Variants in TET1 observed in about 807,000 individuals in gnomAD.
TET1 encodes the protein tet methylcytosine dioxygenase 1.
In TET1, 13 loss-of-function variants were observed where a neutral mutation model predicts 148.7. That is an observed-to-expected ratio of 0.09 (90% CI 0.06 to 0.14). TET1 has a LOEUF of 0.14. TET1 is among the 10% of genes least tolerant of loss of function. TET1 has a pLI of 1.00. For missense variants in TET1, 2,182 were observed against 2,553.8 expected (o/e 0.85, Z 3.14); for synonymous variants, 907 against 937.2 (o/e 0.97, Z 0.59).
At chr10:68,639,451 C>T (rs867745455) in intron 3 of TET1, among the ~76,000 whole-genome samples, 2 of 133,770 alleles carry the variant, frequency 1.5e-5, no homozygotes, top group Admixed American at 7.7e-5. Flanking sequence ...ATTATTACTA[C>T]TACTACTACT....
chr10:68,655,462 C>G (rs1202325523), intron 6 of TET1, among the ~76,000 whole-genome samples: 1 of 152,122 alleles, frequency 6.6e-6, no homozygotes, highest in Admixed American at 6.5e-5. Context: ...TTGTTCACTC[C>G]TTTGTCTATT....
Position 68,573,365 on chromosome 10 carries a change from C to T in TET1, c.1027C>T (p.Pro343Ser). The T allele has an allele frequency of 6.2e-7, 1 of 1,614,126 alleles. No individual in the cohort carries two copies. Reference sequence around the variant, plus strand: ...AAAACAAGCGACCCTTGGTGCTAAACCAGATCATCAAGAGGCCTTCGAAGC... The same window carrying T: ...AAAACAAGCGACCCTTGGTGCTAAATCAGATCATCAAGAGGCCTTCGAAGC... ...GSKQATLGAK[P>S]DHQEAFEATA... Residue 343 changes from proline to serine, a missense_variant, in exon 2 of 12, where the codon CCA (proline) becomes TCA (serine). Around this residue, in one of 11 missense-constraint regions of TET1, gnomAD observed 665 missense variants for 672.4 expected, o/e 0.99. Transcript: ENST00000373644.
intron 3 of TET1, among the ~76,000 whole-genome samples, chr10:68,627,828 T>C (rs1316761619): frequency 6.6e-6 from 1 of 151,054 alleles, no homozygotes; most frequent in Non-Finnish European, 1.5e-5. Context: ...CCCAGCGACT[T>C]GGGAGGCTGA....
chr10:68,593,879 G>T (rs565322236), intron 2 of TET1, among the ~76,000 whole-genome samples: 1 of 146,888 alleles, frequency 6.8e-6, no homozygotes, highest in Admixed American at 6.9e-5. Flanking sequence ...CTACCAAAAT[G>T]CTGGGATTAC....
rs1053349691 is a variant in TET1, at chr10:68,692,826, G to A, written c.*1012G>A. Reference sequence around the variant, plus strand: ...TAATCCATGAGAGGTGTTTCCAAAAGGAGATGAGGGAACAGGATAGGTTTC... The same window carrying A: ...TAATCCATGAGAGGTGTTTCCAAAAAGAGATGAGGGAACAGGATAGGTTTC... On this transcript the variant is annotated 3_prime_UTR_variant, in exon 12 of 12. Transcript: ENST00000373644. 4 of 231,404 alleles carry A rather than the reference G, an allele frequency of 1.7e-5. No individual in the cohort carries two copies. The highest frequency in any genetic ancestry group is 3.4e-5 in the Non-Finnish European group (4 of 117,228). The allele number at this position is 231,404 out of a possible 1,614,324, so 14.3% of individuals were successfully genotyped here.
At position 68,598,793 on chromosome 10, in the gene TET1, C is replaced by T. The variant is rs573580539; in HGVS notation, c.1915-2188C>T. Among the ~76,000 whole-genome samples the T allele has an allele frequency of 4.0e-5, 6 of 149,130 alleles. No homozygotes were observed. In the South Asian group the frequency reaches 1.3e-3, roughly 32 times the overall value. On this transcript the variant is annotated intron_variant, in intron 2 of 11. Coordinates refer to ENST00000373644, the MANE Select transcript of TET1 (RefSeq NM_030625.3). ...GCAACTACTGTCTCCTGGGTTCAAG[C>T]GATTCTCCTGTCTCAGCCTCCCGAG...
chr10:68,624,681 TCTCTC>T (rs2054444908), intron 3 of TET1, among the ~76,000 whole-genome samples: 1 of 131,916 alleles, frequency 7.6e-6, no homozygotes, highest in African/African-American at 2.9e-5. Context: ...TCTCTCTCTC[TCTCTC>T]TCTCTCTCTC....
chr10:68,612,784 A>C (rs529326235), intron 3 of TET1, among the ~76,000 whole-genome samples: 14 of 151,864 alleles, frequency 9.2e-5, no homozygotes, highest in African/African-American at 3.1e-4. Flanking sequence ...CGCCCAGCTA[A>C]TTTTTGTGTT....
At chr10:68,684,365 G>A (rs2055480306) in intron 10 of TET1, among the ~76,000 whole-genome samples, 1 of 135,910 alleles carries the variant, frequency 7.4e-6, no homozygotes, top group Non-Finnish European at 1.5e-5. Context: ...GATAGATTAA[G>A]CCACAACAAC....
intron 7 of TET1, among the ~76,000 whole-genome samples, chr10:68,668,507 A>G (rs1453596577): frequency 1.3e-5 from 2 of 152,250 alleles, no homozygotes; most frequent in Non-Finnish European, 1.5e-5. Flanking sequence ...TAAATTTTTG[A>G]AATTTAAATC....
chr10:68,690,752 G>A (rs2133247695), intron 11 of TET1, 56 bp from the exon 12 acceptor site: 1 of 1,497,692 alleles, frequency 6.7e-7, no homozygotes, highest in Admixed American at 2.3e-5. Context: ...TTTTTAAAAG[G>A]CAACCCCTAC....
rs57316784 is a variant in TET1, at chr10:68,676,646, C to T, written c.4824+3601C>T. The stretch of plus-strand genomic sequence containing the variant: ...GCCAGGCTGGTCTCGAACTCCTGAC[C>T]TCAGATGATCTGCCCTCCTCCGCCT... On this transcript the variant is annotated intron_variant, in intron 8 of 11. Coordinates refer to ENST00000373644, the MANE Select transcript of TET1 (RefSeq NM_030625.3). Among the ~76,000 whole-genome samples, 1,035 of 151,698 alleles carry T rather than the reference C, an allele frequency of 6.8e-3. 16 individuals are homozygous for T. Among genetic ancestry groups the T allele is most frequent in the African/African-American group, 0.024 (984 of 41,314 alleles).
rs138684329 is a variant in TET1 at position 68,572,555 on chromosome 10, C to T, written c.217C>T (p.Leu73Phe). Residue 73 changes from leucine (L) to phenylalanine (F), a missense_variant, in exon 2 of 12, where the codon CTT becomes TTT. This residue lies in a region of TET1 where 665 missense variants were observed against 672.4 expected (regional missense o/e 0.99). Transcript: ENST00000373644. ...TAAACCACCCGTGCCAGTCAGAAGC[C>T]TTCTGACAAGAGCTGGAGCAGCACG... The part of the protein sequence containing the change: ...EPKPPVPVRS[L>F]LTRAGAARMN... The T allele has an allele frequency of 2.9e-4, 466 of 1,614,068 alleles. No homozygotes were observed. The highest frequency in any genetic ancestry group is 3.8e-4 in the Non-Finnish European group (446 of 1,180,004).
chr10:68,632,380 A>G (rs11497985), intron 3 of TET1: 882,259 of 1,597,758 alleles, frequency 0.55, 247,303 homozygotes, highest in Non-Finnish European at 0.58. Context: ...CATGGCCTCC[A>G]CGCCGGAGCC....
At chr10:68,596,939 C>A (rs1278273470) in intron 2 of TET1, among the ~76,000 whole-genome samples, 2 of 151,812 alleles carry the variant, frequency 1.3e-5, no homozygotes, top group East Asian at 1.9e-4. Context: ...ACAAAACAGA[C>A]CTCTCAGCAA....
At chr10:68,619,300 G>T (rs570657801) in intron 3 of TET1, among the ~76,000 whole-genome samples, 2 of 152,232 alleles carry the variant, frequency 1.3e-5, no homozygotes, top group African/African-American at 4.8e-5. Flanking sequence ...AAGCTCATCA[G>T]CTCACTGTAA....
intron 4 of TET1, 28 bp downstream of exon 4, chr10:68,647,033 T>C (rs2054860955): frequency 6.4e-7 from 1 of 1,567,644 alleles, no homozygotes; most frequent in Non-Finnish European, 8.6e-7. Flanking sequence ...TGTGTTCTTA[T>C]TTCACCTGCA....
At chr10:68,571,396 T>TG in intron 1 of TET1, among the ~76,000 whole-genome samples, 1 of 152,112 alleles carries the variant, frequency 6.6e-6, no homozygotes, top group Non-Finnish European at 1.5e-5. Context: ...CTCCGCCTCC[T>TG]GGGTTCAAGT....
intron 3 of TET1, among the ~76,000 whole-genome samples, chr10:68,640,544 C>CTTTTTTTTTT (rs60460824): frequency 0.01 from 442 of 42,880 alleles, 80 homozygotes; most frequent in South Asian, 0.013. Context: ...TTCTTTCTTT[C>CTTTTTTTTTT]TTTTTTTTTT....
Sources: gnomAD v4.1 joint callset for allele counts (sites outside exome capture counted in the v4.1 genomes callset) on GRCh38, gnomAD v4.1.1 for gene constraint, gnomAD v4.1.1 regional missense constraint, MANE v1.5 for transcripts, NCBI Gene and HGNC (gene_info 2026-07-23, HGNC 2026-07-21) for gene names.